The following SEMA6D variants were observed in gnomAD, a reference collection of about 807,000 sequenced individuals.
The protein encoded by SEMA6D is semaphorin-6D.
SEMA6D carries 35 observed loss-of-function variants against 106.6 expected under a neutral mutation model. The ratio of observed to expected loss-of-function variants is 0.33; its 90% confidence interval spans 0.25 to 0.44. SEMA6D has a LOEUF of 0.44. SEMA6D is among the 20% of genes least tolerant of loss of function. SEMA6D has a pLI of 1.00. For synonymous variants in SEMA6D, 499 were observed against 487.7 expected (o/e 1.02, Z -0.31); for missense variants, 1,185 against 1,345.9 (o/e 0.88, Z 1.87).
chr15:47,482,014 T>C (rs551111694), intron 3 of SEMA6D, among the ~76,000 whole-genome samples: 1 of 151,866 alleles, frequency 6.6e-6, no homozygotes, highest in African/African-American at 2.4e-5. Context: ...GTAACGAGAG[T>C]TGGACAGAGT....
intron 1 of SEMA6D, among the ~76,000 whole-genome samples, chr15:47,284,532 T>G (rs952091633): frequency 6.6e-6 from 1 of 152,212 alleles, no homozygotes; most frequent in African/African-American, 2.4e-5. Flanking sequence ...GATTCCACTA[T>G]AAATTTTCTG....
intron 3 of SEMA6D, among the ~76,000 whole-genome samples, chr15:47,473,924 G>GA (rs935682367): frequency 1.9e-4 from 28 of 150,090 alleles, no homozygotes; most frequent in African/African-American, 5.4e-4. Flanking sequence ...CATGGGGCAA[G>GA]AAAAAAAAAA....
chr15:47,484,761 G>A (rs1214609984), intron 3 of SEMA6D, among the ~76,000 whole-genome samples: 1 of 140,218 alleles, frequency 7.1e-6, no homozygotes, highest in Non-Finnish European at 1.6e-5. Context: ...TGTATATCCT[G>A]TTTTCAATTC....
chr15:47,281,936 A>G (rs1029809450), intron 1 of SEMA6D, among the ~76,000 whole-genome samples: 1 of 152,162 alleles, frequency 6.6e-6, no homozygotes, highest in Non-Finnish European at 1.5e-5. Context: ...GGTTTACCCT[A>G]ATTATAGAAC....
At chr15:47,216,749 A>C (rs1466375787) in intron 1 of SEMA6D, among the ~76,000 whole-genome samples, 1 of 152,146 alleles carries the variant, frequency 6.6e-6, no homozygotes, top group East Asian at 1.9e-4. Flanking sequence ...TCAAATGACC[A>C]GTAGATATAT....
chr15:47,212,403 A>G (rs2030120295), intron 1 of SEMA6D, among the ~76,000 whole-genome samples: 1 of 152,088 alleles, frequency 6.6e-6, no homozygotes, highest in African/African-American at 2.4e-5. Flanking sequence ...GCTTTTCCCA[A>G]CTGCTATTTT....
chr15:47,675,195 A>G (rs1484156681), intron 4 of SEMA6D, among the ~76,000 whole-genome samples: 2 of 152,202 alleles, frequency 1.3e-5, no homozygotes, highest in Non-Finnish European at 2.9e-5. Context: ...CAACTTTCTG[A>G]TTCTTTTCCT....
intron 3 of SEMA6D, among the ~76,000 whole-genome samples, chr15:47,490,058 T>C (rs2043423581): frequency 6.6e-6 from 1 of 152,218 alleles, no homozygotes; most frequent in Non-Finnish European, 1.5e-5. Context: ...CATCTGCTTC[T>C]GTGAAGGTTT....
chr15:47,765,466 A>G (rs2082286517), intron 13 of SEMA6D: 1 of 982,928 alleles, frequency 1.0e-6, no homozygotes, highest in African/African-American at 1.8e-5. Context: ...TAAGTAAGAG[A>G]ATATTTAGAC....
intron 4 of SEMA6D, among the ~76,000 whole-genome samples, chr15:47,661,158 T>C (rs2077909406): frequency 6.6e-6 from 1 of 152,208 alleles, no homozygotes; most frequent in Non-Finnish European, 1.5e-5. Context: ...TCCTACTCAG[T>C]AACATCTCCA....
In SEMA6D at chr15:47,770,483, T is replaced by C. The variant is rs748058414; in HGVS notation, c.1934-14T>C. 4.5e-6 allele frequency: 7 copies of C among 1,561,896 alleles called. 1 individual carries two copies. The South Asian group carries it at 7.1e-5, about 16-fold the overall frequency. On this transcript the variant is annotated splice_polypyrimidine_tract_variant and intron_variant, in intron 18 of 18. Coordinates refer to ENST00000536845, the MANE Select transcript of SEMA6D (RefSeq NM_001358351.3). ...AAAGCACCTTATTCACATTGTCCCA[T>C]GTGTCTATTTCAGGTGTACGATGGG...
At chr15:47,740,670 G>T (rs532072488) in intron 1 of SEMA6D, among the ~76,000 whole-genome samples, 1 of 152,256 alleles carries the variant, frequency 6.6e-6, no homozygotes, top group South Asian at 2.1e-4. Context: ...ACTTTGAAGG[G>T]CCCAGGAGCC....
intron 1 of SEMA6D, among the ~76,000 whole-genome samples, chr15:47,342,973 A>G (rs1265375939): frequency 6.6e-6 from 1 of 152,152 alleles, no homozygotes; most frequent in Non-Finnish European, 1.5e-5. Flanking sequence ...TCAACTTCCC[A>G]AAGTGCTGGG....
intron 3 of SEMA6D, among the ~76,000 whole-genome samples, chr15:47,588,820 G>T (rs1431914440): frequency 6.6e-6 from 1 of 152,102 alleles, no homozygotes; most frequent in Non-Finnish European, 1.5e-5. Context: ...CCGAAGAGAG[G>T]GTTTGTCAGT....
intron 3 of SEMA6D, among the ~76,000 whole-genome samples, chr15:47,521,851 G>A (rs184086966): frequency 6.6e-6 from 1 of 152,118 alleles, no homozygotes; most frequent in African/African-American, 2.4e-5. Context: ...CGGGCATGGT[G>A]GTGGGCGCCT....
chr15:47,232,364 A>T (rs2032257675), intron 1 of SEMA6D, among the ~76,000 whole-genome samples: 1 of 151,870 alleles, frequency 6.6e-6, no homozygotes, highest in Non-Finnish European at 1.5e-5. Flanking sequence ...TATACCTGGG[A>T]GTGGAATTGC....
At position 47,770,721 on chromosome 15, in the gene SEMA6D, C is replaced by G; in HGVS notation, c.2158C>G (p.Leu720Val). The G allele has an allele frequency of 6.2e-7, 1 of 1,614,078 alleles. No homozygotes were observed. The highest frequency in any genetic ancestry group is 1.7e-4 in the Middle Eastern group (1 of 6,058). ...TGGAAGTTTTGCCAAACTGAATGGT[C>G]TCTTTGACAGCCCTGTCAAGGAATA... is the stretch of plus-strand genomic sequence containing the variant. The part of the protein sequence containing the change: ...SSGSFAKLNG[L>V]FDSPVKEYQQ... Residue 720 changes from leucine to valine, a missense_variant, in exon 19 of 19, where the codon CTC becomes GTC. Physicochemically the swap from Leu to Val is conservative, Grantham distance 32 (BLOSUM62 1). Around this residue, in one of 3 missense-constraint regions of SEMA6D, gnomAD observed 750 missense variants for 783.5 expected, o/e 0.96. Transcript: ENST00000536845.
At chr15:47,361,432 G>A (rs921852816) in intron 1 of SEMA6D, among the ~76,000 whole-genome samples, 2 of 152,184 alleles carry the variant, frequency 1.3e-5, no homozygotes, top group Non-Finnish European at 2.9e-5. Flanking sequence ...ATGTTTCAGC[G>A]CTGACAATGA....
At chr15:47,577,312 C>T (rs543985992) in intron 3 of SEMA6D, among the ~76,000 whole-genome samples, 3 of 152,336 alleles carry the variant, frequency 2.0e-5, no homozygotes, top group Admixed American at 6.5e-5. Context: ...TTCCCTCATC[C>T]TTGTTTACTA....
Sources: gnomAD v4.1 joint callset for allele counts (sites outside exome capture counted in the v4.1 genomes callset) on GRCh38, gnomAD v4.1.1 for gene constraint, gnomAD v4.1.1 regional missense constraint, MANE v1.5 for transcripts, NCBI Gene and HGNC (gene_info 2026-07-23, HGNC 2026-07-21) for gene names.